Variants in MARVELD3 observed in about 807,000 individuals in gnomAD.
MARVELD3 encodes MARVEL domain-containing protein 3.
A neutral mutation model predicts 33.5 loss-of-function variants in MARVELD3; 28 were observed. The ratio of observed to expected loss-of-function variants is 0.84; its 90% CI spans 0.62 to 1.15. The LOEUF (loss-of-function observed/expected upper bound fraction) is 1.15, where lower values mean the gene tolerates loss of function less well. MARVELD3 is among the 50% of genes most tolerant of loss of function. MARVELD3 has a pLI of 0.00. For synonymous variants in MARVELD3, 241 were observed against 230.4 expected (o/e 1.05, Z -0.42); for missense variants, 582 against 547.6 (o/e 1.06, Z -0.63).
intron 2 of MARVELD3, among the ~76,000 whole-genome samples, chr16:71,632,504 T>G (rs2044542522): frequency 6.6e-6 from 1 of 152,076 alleles, no homozygotes; most frequent in African/African-American, 2.4e-5. Context: ...TAAGACATAC[T>G]TATAAGTTAA....
At position 71,635,755 on chromosome 16, in the gene MARVELD3, A is replaced by G; in HGVS notation, c.*952A>G. ...ACTCTCCAGTCCTTCCACTTCCTTA[A>G]TTCTGCAAATGGAGGGGGTGGGGAC... On this transcript the variant is annotated 3_prime_UTR_variant, in exon 3 of 3. Transcript: ENST00000268485. The G allele has an allele frequency of 1.0e-6, 1 of 985,296 alleles. No individual in the cohort carries two copies. The highest frequency in any genetic ancestry group is 1.2e-6 in the Non-Finnish European group (1 of 829,914). The allele number at this position is 985,296 out of a possible 1,614,324, so 61.0% of individuals were successfully genotyped here.
chr16:71,629,801 A>T (rs17354693), intron 2 of MARVELD3: 92 of 392,780 alleles, frequency 2.3e-4, no homozygotes, highest in African/African-American at 1.8e-3. Flanking sequence ...GGAACTGGCT[A>T]TGAGCTGCCA....
chr16:71,640,515 T>C, downstream of MARVELD3: 1 of 1,614,156 alleles, frequency 6.2e-7, no homozygotes, highest in Non-Finnish European at 8.5e-7. Context: ...GAACAACTAC[T>C]ACTCACCGTT....
Position 71,626,755 on chromosome 16 carries a change from C to A in MARVELD3, c.467+59C>A. The A allele has an allele frequency of 7.5e-7, 1 of 1,326,332 alleles. No individual in the cohort carries two copies. Among genetic ancestry groups the A allele is most frequent in the African/African-American group, 1.6e-5 (1 of 64,192 alleles). The allele number at this position is 1,326,332 out of a possible 1,614,324, so 82.2% of individuals were successfully genotyped here. On this transcript the variant is annotated intron_variant, in intron 1 of 2. Transcript: ENST00000268485. This position sits in a 1 kb window ranked among gnomAD's most constrained non-coding sequence, Gnocchi z 5.3. ...CGGGGACACCTGTGGCCCAGGCCGG[C>A]CCGCGAGGCCCTGGCGTCCCCGGGT...
At chr16:71,640,121 T>C (rs374215938), downstream of MARVELD3, among the ~76,000 whole-genome samples, 17 of 151,860 alleles carry the variant, frequency 1.1e-4, no homozygotes, top group Admixed American at 9.2e-4. Flanking sequence ...ATACAAAAAT[T>C]AGCCAGGCAG....
chr16:71,638,671 A>G (rs2044597138), downstream of MARVELD3: 1 of 152,174 alleles, frequency 6.6e-6, no homozygotes, highest in Admixed American at 6.5e-5. Flanking sequence ...AGTGCAGAGT[A>G]CTCCTGTGTA....
chr16:71,627,893 A>C (rs944057370), intron 1 of MARVELD3, among the ~76,000 whole-genome samples: 11 of 152,226 alleles, frequency 7.2e-5, no homozygotes, highest in Non-Finnish European at 1.6e-4. Context: ...AACTGTGAGC[A>C]GATGGGATAT....
Position 71,626,387 on chromosome 16 carries a change from G to C in MARVELD3, c.158G>C (p.Arg53Thr). The part of the protein sequence containing the change: ...RKRSSDGNRR[R>T]DGDRDPERDQ... Reference sequence around the variant, plus strand: ...CGAAGCAGCGACGGGAACCGGCGAAGGGACGGGGACCGGGACCCGGAGAGA... The same window carrying C: ...CGAAGCAGCGACGGGAACCGGCGAACGGACGGGGACCGGGACCCGGAGAGA... Residue 53 changes from arginine to threonine, a missense_variant, in exon 1 of 3, where the codon AGG (arginine) becomes ACG (threonine). Coordinates refer to ENST00000268485, the MANE Select transcript of MARVELD3 (RefSeq NM_052858.6). This position sits in a 1 kb window ranked among gnomAD's most constrained non-coding sequence, Gnocchi z 5.3. 1 of 1,546,460 alleles carries C rather than the reference G, an allele frequency of 6.5e-7. No individual in the cohort carries two copies. The highest frequency in any genetic ancestry group is 8.7e-7 in the Non-Finnish European group (1 of 1,145,176).
intron 1 of MARVELD3, among the ~76,000 whole-genome samples, chr16:71,627,192 C>G (rs2044482490): frequency 6.6e-6 from 1 of 152,216 alleles, no homozygotes; most frequent in Non-Finnish European, 1.5e-5. Context: ...TGTTACCCCT[C>G]CCAGGAATAG....
downstream of MARVELD3, chr16:71,640,311 T>A: frequency 2.8e-6 from 4 of 1,406,844 alleles, no homozygotes; most frequent in East Asian, 2.3e-5. Context: ...GTCCTTAAAA[T>A]CAGGTGGCCT....
downstream of MARVELD3, chr16:71,640,511 C>T: frequency 3.7e-6 from 6 of 1,614,170 alleles, no homozygotes; most frequent in South Asian, 6.6e-5. Context: ...TTGGGAACAA[C>T]TACTACTCAC....
intron 1 of MARVELD3, 114 bp from the exon 2 acceptor site, chr16:71,629,253 A>G: frequency 1.7e-6 from 2 of 1,185,070 alleles, no homozygotes; most frequent in Non-Finnish European, 1.1e-6. Flanking sequence ...ACCGGGACAA[A>G]TTCTATTTCT....
Position 71,626,193 on chromosome 16 carries a change from C to T in MARVELD3, c.-37C>T, listed in dbSNP as rs1187093580. The T allele has an allele frequency of 1.4e-6, 2 of 1,439,964 alleles. No homozygotes were observed. Among genetic ancestry groups the T allele is most frequent in the East Asian group, 2.5e-5 (1 of 39,664 alleles). 89.2% of individuals were successfully genotyped at this position (1,439,964 alleles called of 1,614,324 possible). On this transcript the variant is annotated 5_prime_UTR_variant, in exon 1 of 3. Transcript: ENST00000268485. The surrounding 1 kb of genome is among the most constrained non-coding windows in gnomAD (Gnocchi z 5.3). ...CCCAAGAAACTTGTTGGTTGTTGCC[C>T]TCAGGTCGCTCCCGGGCGGGGACAC... is the stretch of plus-strand genomic sequence containing the variant.
intron 2 of MARVELD3, among the ~76,000 whole-genome samples, chr16:71,633,501 C>T (rs777426533): frequency 1.4e-4 from 22 of 152,062 alleles, no homozygotes; most frequent in Non-Finnish European, 2.8e-4. Flanking sequence ...TCAAGTGATT[C>T]TCCTACCTCA....
chr16:71,630,936 C>T (rs2044526877), intron 2 of MARVELD3, among the ~76,000 whole-genome samples: 1 of 152,182 alleles, frequency 6.6e-6, no homozygotes, highest in Admixed American at 6.5e-5. Context: ...TTCTAGCGGT[C>T]TTGGCCTTGC....
At position 71,626,389 on chromosome 16, in the gene MARVELD3, G is replaced by T; in HGVS notation, c.160G>T (p.Asp54Tyr). The stretch of plus-strand genomic sequence containing the variant: ...AAGCAGCGACGGGAACCGGCGAAGG[G>T]ACGGGGACCGGGACCCGGAGAGAGA... ...KRSSDGNRRRDGDRDPERDQE... is the reference protein window; with the variant it reads ...KRSSDGNRRRYGDRDPERDQE... The change falls in exon 1 of 3, where the codon GAC becomes TAC. Residue 54 changes from aspartate (D) to tyrosine (Y), a missense_variant. By Grantham distance (160) the Asp-to-Tyr change is radical. Transcript: ENST00000268485. The surrounding 1 kb of genome is among the most constrained non-coding windows in gnomAD (Gnocchi z 5.3). 3.2e-6 allele frequency: 5 copies of T among 1,546,484 alleles called. No homozygotes were observed. The highest frequency in any genetic ancestry group is 4.4e-6 in the Non-Finnish European group (5 of 1,145,210).
downstream of MARVELD3, chr16:71,640,768 C>G (rs1483682367): frequency 6.2e-7 from 1 of 1,614,240 alleles, no homozygotes; most frequent in Non-Finnish European, 8.5e-7. Context: ...CTCCACGTGG[C>G]TCTGCAGATC....
intron 2 of MARVELD3, among the ~76,000 whole-genome samples, chr16:71,631,604 T>C (rs1439840363): frequency 6.6e-6 from 1 of 152,020 alleles, no homozygotes; most frequent in Non-Finnish European, 1.5e-5. Context: ...CGTGCCACCA[T>C]GCCCAGCTAA....
Position 71,634,173 on chromosome 16 carries a change from G to A in MARVELD3, c.596-20G>A, listed in dbSNP as rs771970271. The A allele has an allele frequency of 3.2e-6, 5 of 1,581,362 alleles. No individual in the cohort carries two copies. The highest frequency in any genetic ancestry group is 1.2e-5 in the South Asian group (1 of 84,682). On this transcript the variant is annotated intron_variant, in intron 2 of 2. Transcript: ENST00000268485. ...TGCCAAACAGCATCACTCAAAAATG[G>A]TAACACCCTTTTTTTGCAGCCTGCT...
Sources: allele counts gnomAD v4.1 joint callset (sites outside exome capture counted in the v4.1 genomes callset), GRCh38; gene constraint gnomAD v4.1.1; non-coding constraint Gnocchi (gnomAD v3.1); transcripts MANE v1.5; gene names NCBI Gene and HGNC (gene_info 2026-07-23, HGNC 2026-07-21).